The following DPP6 variants were observed in gnomAD, a reference collection of about 807,000 sequenced individuals.
DPP6 encodes A-type potassium channel modulatory protein DPP6.
In DPP6, 69 loss-of-function variants were observed where a neutral mutation model predicts 122.6. The ratio of observed to expected loss-of-function variants is 0.56; its 90% CI spans 0.46 to 0.69. DPP6 has a LOEUF of 0.69. DPP6 is among the 30% of genes least tolerant of loss of function. DPP6 has a pLI of 0.00. For synonymous variants in DPP6, 418 were observed against 433.1 expected, an observed-to-expected ratio of 0.97 and a Z score of 0.43; for missense variants, 928 against 1,116.9, an observed-to-expected ratio of 0.83 and a Z score of 2.41.
chr7:154,653,180 A>G (rs1265673962), intron 6 of DPP6, among the ~76,000 whole-genome samples: 1 of 152,222 alleles, frequency 6.6e-6, no homozygotes, highest in Admixed American at 6.5e-5. Context: ...ATATGATGTA[A>G]GGTAAAAGCT....
At chr7:154,844,273 C>T (rs1801782434) in intron 16 of DPP6, among the ~76,000 whole-genome samples, 2 of 152,196 alleles carry the variant, frequency 1.3e-5, no homozygotes, top group Non-Finnish European at 1.5e-5. Flanking sequence ...GGTAAAAACC[C>T]CTCATAGGTG....
At chr7:154,621,533 T>C (rs1254348407) in intron 5 of DPP6, among the ~76,000 whole-genome samples, 1 of 148,794 alleles carries the variant, frequency 6.7e-6, no homozygotes, top group Non-Finnish European at 1.5e-5. Context: ...CACACCCAGC[T>C]AATTTTTGTA....
Position 154,481,533 on chromosome 7 carries a change from C to A in DPP6, c.457+6496C>A, listed in dbSNP as rs569689346. On this transcript the variant is annotated intron_variant, in intron 3 of 25. Coordinates refer to ENST00000377770, the MANE Select transcript of DPP6 (RefSeq NM_130797.4). This position sits in a 1 kb window ranked among gnomAD's most constrained non-coding sequence, Gnocchi z 4.2. ...TGCGAGCACAGCCCTGGCCCCCCGA[C>A]CCTCCATGTCTCAGACTCTACATGA... is the stretch of plus-strand genomic sequence containing the variant. Among the ~76,000 whole-genome samples, 7 of 151,726 alleles carry A rather than the reference C, an allele frequency of 4.6e-5. No homozygotes were observed. In the South Asian group the frequency reaches 1.3e-3, roughly 27 times the overall value.
intron 5 of DPP6, among the ~76,000 whole-genome samples, chr7:154,635,948 A>G (rs1320155693): frequency 6.6e-6 from 1 of 152,190 alleles, no homozygotes; most frequent in African/African-American, 2.4e-5. Context: ...CCTCACTGCT[A>G]CTGTATTCTG....
At chr7:154,708,314 A>T (rs1840949020) in intron 7 of DPP6, among the ~76,000 whole-genome samples, 1 of 152,170 alleles carries the variant, frequency 6.6e-6, no homozygotes, top group South Asian at 2.1e-4. Context: ...TCTTCATGTA[A>T]TCTCTGCAAG....
intron 1 of DPP6, among the ~76,000 whole-genome samples, chr7:154,196,004 G>T (rs573792388): frequency 1.3e-5 from 2 of 152,150 alleles, no homozygotes; most frequent in South Asian, 4.2e-4. Context: ...ATGTACTCCT[G>T]TTGGTATTAG....
At chr7:153,979,780 T>C (rs1283165885) in intron 1 of DPP6, among the ~76,000 whole-genome samples, 1 of 152,212 alleles carries the variant, frequency 6.6e-6, no homozygotes, top group African/African-American at 2.4e-5. Context: ...ATCAAAGGCC[T>C]TTTCTGCATC....
the DPP6 span, among the ~76,000 whole-genome samples, chr7:153,789,922 G>A: frequency 6.6e-6 from 1 of 152,042 alleles, no homozygotes. Context: ...CTGGATCTAT[G>A]GTAAAATACA....
chr7:154,804,949 G>C lies in DPP6; in HGVS notation c.1532G>C (p.Arg511Thr). The stretch of plus-strand genomic sequence containing the variant: ...CTGAGCACGGAGGACCTGCCTCGGA[G>C]ACGACAACTCTACAGGTAACTCCTG... The part of the protein sequence containing the change: ...YFLSTEDLPR[R>T]RQLYSANTVG... Residue 511 changes from arginine (R) to threonine (T), a missense_variant, in exon 15 of 26, where the codon AGA becomes ACA. By Grantham distance (71) the Arg-to-Thr change is moderately conservative. Transcript: ENST00000377770. 6.2e-7 allele frequency: 1 copy of C among 1,601,200 alleles called. No individual in the cohort carries two copies. Among genetic ancestry groups the C allele is most frequent in the African/African-American group, 1.3e-5 (1 of 74,836 alleles).
chr7:153,948,601 C>T (rs898840991), intron 1 of DPP6, among the ~76,000 whole-genome samples: 2 of 129,390 alleles, frequency 1.5e-5, no homozygotes, highest in Non-Finnish European at 3.3e-5. Context: ...TCTTCTCTAC[C>T]TTCCTCACTG....
chr7:153,854,442 CT>C, the DPP6 span, among the ~76,000 whole-genome samples: 2 of 150,970 alleles, frequency 1.3e-5, no homozygotes, highest in African/African-American at 4.9e-5. Context: ...TGAACAGACA[CT>C]TCTCAAAAGA....
the DPP6 span, among the ~76,000 whole-genome samples, chr7:153,867,978 G>A: frequency 2.0e-5 from 3 of 152,152 alleles, no homozygotes; most frequent in African/African-American, 7.2e-5. Context: ...TGTTGAACCA[G>A]CCTTGCATCC....
At chr7:154,127,101 A>T (rs956740815) in intron 1 of DPP6, among the ~76,000 whole-genome samples, 8 of 152,188 alleles carry the variant, frequency 5.3e-5, no homozygotes, top group Non-Finnish European at 1.0e-4. Flanking sequence ...ACTTTAAAAA[A>T]GTATTCTCTG....
intron 6 of DPP6, among the ~76,000 whole-genome samples, chr7:154,659,818 G>A (rs1837499713): frequency 6.6e-6 from 1 of 152,238 alleles, no homozygotes; most frequent in African/African-American, 2.4e-5. Flanking sequence ...TTGAGAGGTT[G>A]AGAGAGTCAC....
intron 1 of DPP6, among the ~76,000 whole-genome samples, chr7:154,413,279 C>T (rs1172129893): frequency 6.6e-6 from 1 of 152,234 alleles, no homozygotes; most frequent in Non-Finnish European, 1.5e-5. Context: ...TTCCCTCAAA[C>T]ACTATATCTG....
chr7:153,818,942 G>C, the DPP6 span, among the ~76,000 whole-genome samples: 1 of 151,424 alleles, frequency 6.6e-6, no homozygotes, highest in Non-Finnish European at 1.5e-5. Context: ...AGTAGAGATG[G>C]GGTTTCACCA....
chr7:154,144,017 C>T (rs1311000881), intron 1 of DPP6, among the ~76,000 whole-genome samples: 5 of 151,240 alleles, frequency 3.3e-5, no homozygotes, highest in African/African-American at 9.7e-5. Context: ...TATATTCTCA[C>T]CAGCAGTATA....
At chr7:154,684,611 T>C (rs1586885072) in intron 7 of DPP6, among the ~76,000 whole-genome samples, 1 of 152,342 alleles carries the variant, frequency 6.6e-6, no homozygotes, top group Non-Finnish European at 1.5e-5. Context: ...GCATCCTCCT[T>C]TAAATTTTAG....
chr7:154,657,578 TGC>T lies in DPP6; in HGVS notation c.681-11780_681-11779del, dbSNP rs1837346583. Among the ~76,000 whole-genome samples, 4 of 550 alleles carry T rather than the reference TGC, an allele frequency of 7.3e-3. 2 individuals are homozygous for T. The highest frequency in any genetic ancestry group is 0.04 in the Admixed American group (2 of 50). 0.4% of individuals were successfully genotyped at this position (550 alleles called of 152,430 possible). On this transcript the variant is annotated intron_variant, in intron 6 of 25. Coordinates refer to ENST00000377770, the MANE Select transcript of DPP6 (RefSeq NM_130797.4). ...GGTGCTCATGGGTGGGTGGAGAGGCTGCGTGGGAGGAGGTGCTCATGGGTGGG... is the reference window on the plus strand; with the variant it reads ...GGTGCTCATGGGTGGGTGGAGAGGCTGTGGGAGGAGGTGCTCATGGGTGGG...
Sources: allele counts gnomAD v4.1 joint callset (sites outside exome capture counted in the v4.1 genomes callset), GRCh38; gene constraint gnomAD v4.1.1; non-coding constraint Gnocchi (gnomAD v3.1); transcripts MANE v1.5; gene names NCBI Gene and HGNC (gene_info 2026-07-23, HGNC 2026-07-21).